MYH11: variants seen among roughly 807,000 people sequenced by gnomAD.
MYH11 encodes myosin heavy chain 11, also known as myosin-11.
A neutral mutation model predicts 246.6 loss-of-function variants in MYH11; 80 were observed. That is an observed-to-expected ratio of 0.32 (90% CI 0.27 to 0.39). MYH11 has a LOEUF of 0.39. MYH11 is among the 10% of genes least tolerant of loss of function. MYH11 has a pLI of 1.00. For synonymous variants in MYH11, 1,071 were observed against 1,015.5 expected (o/e 1.05, Z -1.04); for missense variants, 2,158 against 2,546.8 (o/e 0.85, Z 3.29).
At position 15,776,236 on chromosome 16, in the gene MYH11, C is replaced by T. The variant is rs943756242; in HGVS notation, c.791-60G>A. The T allele has an allele frequency of 4.6e-5, 52 of 1,135,496 alleles. No individual in the cohort carries two copies. In the East Asian group the frequency reaches 1.1e-3, roughly 24 times the overall value. 70.3% of individuals were successfully genotyped at this position (1,135,496 alleles called of 1,614,324 possible). A position where few individuals can be genotyped will look rare whatever the true frequency, so the allele number is the denominator to read the frequency against. ...TGCGGGTGTTCCTCTGGTCTTCCAC[C>T]TCCATCCCTGTCACACCCAATTCAC... On this transcript the variant is annotated intron_variant, in intron 7 of 40. Transcript: ENST00000300036.
intron 30 of MYH11, 61 bp downstream of exon 30, chr16:15,724,586 G>A: frequency 1.2e-6 from 2 of 1,611,232 alleles, no homozygotes; most frequent in Admixed American, 1.7e-5. Flanking sequence ...TGCCTGCGGG[G>A]GATCTCAGCG....
chr16:15,734,019 T>TTGCATCAAAATACATTTATGTG lies in MYH11; in HGVS notation c.3506+1325_3507-1312dup, dbSNP rs1342880308. 6.6e-5 allele frequency among the ~76,000 whole-genome samples: 10 copies of TTGCATCAAAATACATTTATGTG among 152,338 alleles called. No homozygotes were observed. The South Asian group carries it at 2.1e-3, about 32-fold the overall frequency. ...ATACATGCTATGCCAACACCACAGA[T>TTGCATCAAAATACATTTATGTG]TGCATCAAAATACATTTATGTGTTT... On this transcript the variant is annotated intron_variant, in intron 26 of 40. Coordinates refer to ENST00000300036, the MANE Select transcript of MYH11 (RefSeq NM_002474.3).
At chr16:15,738,025 A>G (rs1164621994) in intron 24 of MYH11, among the ~76,000 whole-genome samples, 2 of 152,006 alleles carry the variant, frequency 1.3e-5, no homozygotes, top group Admixed American at 1.3e-4. Context: ...TGACCTCGTG[A>G]TCCGCCCACC....
At chr16:15,725,712 C>T (rs1023176742) in intron 28 of MYH11, 1 of 398,786 alleles carries the variant, frequency 2.5e-6, no homozygotes, top group Admixed American at 4.4e-5. Flanking sequence ...CCCTTGGTCC[C>T]TGGCTGTGGA....
chr16:15,726,929 C>T lies in MYH11; in HGVS notation c.3777G>A (p.Ala1259=), dbSNP rs370031545. The T allele has an allele frequency of 5.5e-5, 88 of 1,613,034 alleles. No individual in the cohort carries two copies. Among genetic ancestry groups the T allele is most frequent in the South Asian group, 4.5e-4 (41 of 91,082 alleles). The change falls in exon 28 of 41, where the codon GCG becomes GCA. Residue 1259 remains alanine (A), a synonymous_variant. Transcript: ENST00000300036. ...EVEHKKKKLE[A]QVQELQSKCS... ...ACTTGGACTGCAGCTCCTGCACCTG[C>T]GCCTCCAGCTTCTTCTTCTTATGTT...
chr16:15,812,042 A>G (rs2043149538), intron 3 of MYH11, among the ~76,000 whole-genome samples: 1 of 152,096 alleles, frequency 6.6e-6, no homozygotes, highest in Admixed American at 6.5e-5. Context: ...CATTTATTGA[A>G]CTTAGCTCCA....
At chr16:15,709,842 AAG>A (rs1256042950) in intron 40 of MYH11, among the ~76,000 whole-genome samples, 1 of 152,162 alleles carries the variant, frequency 6.6e-6, no homozygotes, top group African/African-American at 2.4e-5. Context: ...GGCCTCTAGC[AAG>A]AGAGGAGAGG....
chr16:15,801,142 G>A (rs1029945186), intron 3 of MYH11, among the ~76,000 whole-genome samples: 1 of 152,078 alleles, frequency 6.6e-6, no homozygotes, highest in Non-Finnish European at 1.5e-5. Flanking sequence ...GGAGGCGGAC[G>A]TTGCAGTGAG....
At chr16:15,706,170 T>C (rs4781680) in intron 40 of MYH11, among the ~76,000 whole-genome samples, 112,642 of 151,788 alleles carry the variant, frequency 0.74, 42,569 homozygotes, top group African/African-American at 0.9. Context: ...TGCAGCCACT[T>C]CAAAGTAAAC....
At position 15,830,427 on chromosome 16, in the gene MYH11, T is replaced by C. The variant is rs539562097; in HGVS notation, c.346-7016A>G. On this transcript the variant is annotated intron_variant, in intron 2 of 40. Transcript: ENST00000300036. ...GCTTAATCATTATGGTTCATCCCTA[T>C]AGCAGAAGACTGTGCAGTGGCCCTC... 1.1e-4 allele frequency among the ~76,000 whole-genome samples: 16 copies of C among 152,326 alleles called. No homozygotes were observed. The East Asian group carries it at 2.9e-3, about 28-fold the overall frequency.
chr16:15,733,278 G>A (rs1451707378), intron 26 of MYH11, among the ~76,000 whole-genome samples: 1 of 152,228 alleles, frequency 6.6e-6, no homozygotes, highest in Non-Finnish European at 1.5e-5. Context: ...CTGTTGCCCA[G>A]GCTGGAGTGC....
chr16:15,836,971 C>T lies in MYH11; in HGVS notation c.345+937G>A, dbSNP rs138629290. Among the ~76,000 whole-genome samples, 755 of 152,080 alleles carry T rather than the reference C, an allele frequency of 5.0e-3. 11 individuals are homozygous for T. The highest frequency in any genetic ancestry group is 0.017 in the African/African-American group (723 of 41,506). ...AACTCCTGACCTCAAGTGATCTACC[C>T]GCCTTGGCCTCCCAGCGTGCTGGGA... On this transcript the variant is annotated intron_variant, in intron 2 of 40. Coordinates refer to ENST00000300036, the MANE Select transcript of MYH11 (RefSeq NM_002474.3).
chr16:15,767,166 G>T (rs2042001851), intron 9 of MYH11, among the ~76,000 whole-genome samples: 1 of 152,080 alleles, frequency 6.6e-6, no homozygotes, highest in South Asian at 2.1e-4. Flanking sequence ...GGTGATGGAT[G>T]GATGGGTGAT....
chr16:15,829,028 A>G (rs529677068), intron 2 of MYH11, among the ~76,000 whole-genome samples: 1 of 152,124 alleles, frequency 6.6e-6, no homozygotes, highest in South Asian at 2.1e-4. Flanking sequence ...TACTAAAAAT[A>G]CAAAAATTAG....
At chr16:15,719,766 C>G in intron 34 of MYH11, 53 bp from the exon 35 acceptor site, 2 of 1,612,602 alleles carry the variant, frequency 1.2e-6, no homozygotes, top group Non-Finnish European at 8.5e-7. Context: ...CCCCCAAGTT[C>G]TGCTGCCCAG....
At position 15,720,828 on chromosome 16, in the gene MYH11, G is replaced by C. The variant is rs761066365; in HGVS notation, c.4791+11C>G. ...CGACCTCCCTCTGCTGGCCTCCCCG[G>C]CAGCACGCACCTGTCTCTGCAGTTG... On this transcript the variant is annotated intron_variant, in intron 33 of 40. Coordinates refer to ENST00000300036, the MANE Select transcript of MYH11 (RefSeq NM_002474.3). 3.1e-6 allele frequency: 5 copies of C among 1,612,684 alleles called. No homozygotes were observed. Among genetic ancestry groups the C allele is most frequent in the Admixed American group, 3.3e-5 (2 of 59,968 alleles).
intron 22 of MYH11, among the ~76,000 whole-genome samples, chr16:15,740,867 G>C (rs190606516): frequency 1.3e-4 from 20 of 152,292 alleles, no homozygotes; most frequent in Admixed American, 1.3e-3. Context: ...AGGCATTGCG[G>C]CTTCCTTTCT....
intron 20 of MYH11, among the ~76,000 whole-genome samples, chr16:15,743,075 A>ATATC (rs1480246181): frequency 2.6e-5 from 4 of 151,704 alleles, no homozygotes; most frequent in Non-Finnish European, 5.9e-5. Context: ...TTCCATTGAT[A>ATATC]GATGAACCAT....
intron 5 of MYH11, among the ~76,000 whole-genome samples, chr16:15,784,030 T>G (rs2042413126): frequency 6.6e-6 from 1 of 151,686 alleles, no homozygotes; most frequent in South Asian, 2.1e-4. Flanking sequence ...TAGAGATGAG[T>G]TTACATATGC....
Sources: gnomAD v4.1 joint callset for allele counts (sites outside exome capture counted in the v4.1 genomes callset) on GRCh38, gnomAD v4.1.1 for gene constraint, MANE v1.5 for transcripts, NCBI Gene and HGNC (gene_info 2026-07-23, HGNC 2026-07-21) for gene names.